LHFPL6: variants seen among roughly 807,000 people sequenced by gnomAD.
The protein encoded by LHFPL6 is LHFPL tetraspan subfamily member 6, also known as LHFPL tetraspan subfamily member 6 protein.
A neutral mutation model predicts 20.6 loss-of-function variants in LHFPL6; 9 were observed. The ratio of observed to expected loss-of-function variants is 0.44; its 90% CI spans 0.26 to 0.76. LHFPL6 has a LOEUF of 0.76. Among genes scored for constraint, LHFPL6 ranks in the 30% least tolerant of loss-of-function variants. The pLI is 0.20. For missense variants in LHFPL6, 218 were observed against 253.5 expected (o/e 0.86, Z 0.95); for synonymous variants, 105 against 98.7 (o/e 1.06, Z -0.38).
At chr13:39,519,943 C>T (rs967770212) in intron 2 of LHFPL6, among the ~76,000 whole-genome samples, 4 of 152,254 alleles carry the variant, frequency 2.6e-5, no homozygotes, top group Middle Eastern at 3.4e-3. Flanking sequence ...CACTAACCAC[C>T]GGAGCCACCA....
At chr13:39,562,843 T>C (rs1447767388) in intron 2 of LHFPL6, among the ~76,000 whole-genome samples, 1 of 151,834 alleles carries the variant, frequency 6.6e-6, no homozygotes, top group East Asian at 1.9e-4. Context: ...GCCATTCAGT[T>C]TTCAATGCTT....
intron 2 of LHFPL6, among the ~76,000 whole-genome samples, chr13:39,589,137 T>C (rs897087085): frequency 6.6e-6 from 1 of 152,050 alleles, no homozygotes; most frequent in African/African-American, 2.4e-5. Context: ...TTTTTTGAGA[T>C]AGAGTCTTGC....
chr13:39,365,479 G>A (rs1193829064), intron 3 of LHFPL6, among the ~76,000 whole-genome samples: 2 of 152,128 alleles, frequency 1.3e-5, no homozygotes, highest in Non-Finnish European at 2.9e-5. Flanking sequence ...TCTTGGGAAC[G>A]AACCTCATTC....
chr13:39,356,713 ACT>A (rs1869736321), intron 3 of LHFPL6, among the ~76,000 whole-genome samples: 1 of 152,198 alleles, frequency 6.6e-6, no homozygotes, highest in African/African-American at 2.4e-5. Flanking sequence ...AATACGAAAG[ACT>A]CTCACAAACT....
intron 2 of LHFPL6, among the ~76,000 whole-genome samples, chr13:39,578,301 C>T (rs576869226): frequency 2.6e-5 from 4 of 152,300 alleles, no homozygotes; most frequent in South Asian, 2.1e-4. Flanking sequence ...GCAACAGCCG[C>T]GGACTACCTC....
intron 3 of LHFPL6, among the ~76,000 whole-genome samples, chr13:39,378,163 G>A (rs980987003): frequency 1.1e-4 from 17 of 152,170 alleles, no homozygotes; most frequent in Non-Finnish European, 2.2e-4. Flanking sequence ...TTTGAAAAAT[G>A]AAGTGATCAA....
At chr13:39,346,627 A>G (rs1167863158) in intron 3 of LHFPL6, among the ~76,000 whole-genome samples, 3 of 152,028 alleles carry the variant, frequency 2.0e-5, no homozygotes, top group Non-Finnish European at 4.4e-5. Context: ...CAAACGCCCG[A>G]TCATCCCCCA....
intron 2 of LHFPL6, among the ~76,000 whole-genome samples, chr13:39,442,796 CCTT>C (rs1258246261): frequency 6.6e-6 from 1 of 152,136 alleles, no homozygotes; most frequent in Non-Finnish European, 1.5e-5. Context: ...AGAACAATCT[CCTT>C]CTTAAAACTC....
chr13:39,559,268 T>A (rs1298466141), intron 2 of LHFPL6, among the ~76,000 whole-genome samples: 1 of 152,172 alleles, frequency 6.6e-6, no homozygotes, highest in Non-Finnish European at 1.5e-5. Context: ...ACAGGCTCCA[T>A]TCTTTAGGCT....
chr13:39,502,682 T>C (rs1869334571), intron 2 of LHFPL6, among the ~76,000 whole-genome samples: 1 of 152,046 alleles, frequency 6.6e-6, no homozygotes, highest in Non-Finnish European at 1.5e-5. Context: ...ACACAGGATC[T>C]TTAAAAAGCC....
chr13:39,357,128 TGCCACTGCACTCCA>T (rs1869747318), intron 3 of LHFPL6, among the ~76,000 whole-genome samples: 1 of 152,044 alleles, frequency 6.6e-6, no homozygotes, highest in Non-Finnish European at 1.5e-5. Flanking sequence ...GCCGAGATGG[TGCCACTGCACTCCA>T]GCCTGGGCAA....
chr13:39,597,260 A>C (rs1425922957), intron 2 of LHFPL6, among the ~76,000 whole-genome samples: 3 of 152,250 alleles, frequency 2.0e-5, no homozygotes, highest in Admixed American at 2.0e-4. Context: ...TCTTAAGATG[A>C]AATGTACACA....
At chr13:39,381,576 C>G (rs935612865) in intron 2 of LHFPL6, among the ~76,000 whole-genome samples, 20 of 152,130 alleles carry the variant, frequency 1.3e-4, no homozygotes, top group African/African-American at 4.8e-4. Flanking sequence ...ATGGCAGAAT[C>G]CTCCCACTTA....
intron 2 of LHFPL6, among the ~76,000 whole-genome samples, chr13:39,504,663 A>G (rs1158940064): frequency 6.6e-6 from 1 of 152,212 alleles, no homozygotes; most frequent in Non-Finnish European, 1.5e-5. Flanking sequence ...CATTGGATTA[A>G]GGCCCTCTCT....
chr13:39,515,637 C>T (rs867823664), intron 2 of LHFPL6, among the ~76,000 whole-genome samples: 3 of 152,064 alleles, frequency 2.0e-5, no homozygotes, highest in African/African-American at 4.8e-5. Context: ...TATCTCTGCC[C>T]GACAGCAAAG....
In LHFPL6 at chr13:39,601,009, G is replaced by A. The variant is rs549287054; in HGVS notation, c.208C>T (p.Arg70Cys). 4 of 1,614,052 alleles carry A rather than the reference G, an allele frequency of 2.5e-6. No homozygotes were observed. The highest frequency in any genetic ancestry group is 1.7e-5 in the Admixed American group (1 of 60,012). The change falls in exon 2 of 4, where the codon CGC becomes TGC. Residue 70 changes from arginine (R) to cysteine (C), a missense_variant. Transcript: ENST00000379589. ...GGGATGCCCTGGAAGGAGGCATAGC[G>A]CCCACATTCCTCCACCATCACCATC... ...QMMVMVEECG[R>C]YASFQGIPSA... is the part of the protein sequence containing the mutation.
At chr13:39,546,949 T>G (rs1242178849) in intron 2 of LHFPL6, among the ~76,000 whole-genome samples, 4 of 152,066 alleles carry the variant, frequency 2.6e-5, no homozygotes, top group Admixed American at 2.6e-4. Flanking sequence ...CTAAAGATCC[T>G]TAATATGGCT....
At chr13:39,524,744 C>T (rs1870234159) in intron 2 of LHFPL6, among the ~76,000 whole-genome samples, 1 of 152,150 alleles carries the variant, frequency 6.6e-6, no homozygotes, top group South Asian at 2.1e-4. Context: ...AATAGGCCTC[C>T]TGCTATTACA....
intron 2 of LHFPL6, among the ~76,000 whole-genome samples, chr13:39,537,783 A>G (rs981600016): frequency 2.0e-5 from 3 of 152,112 alleles, no homozygotes; most frequent in Non-Finnish European, 2.9e-5. Context: ...CCATTCTGCT[A>G]AGCCGCTACA....
Sources: allele counts gnomAD v4.1 joint callset (sites outside exome capture counted in the v4.1 genomes callset), GRCh38; gene constraint gnomAD v4.1.1; transcripts MANE v1.5; gene names NCBI Gene and HGNC (gene_info 2026-07-23, HGNC 2026-07-21).